The following SYT1 variants were observed in gnomAD, a reference collection of about 807,000 sequenced individuals.
SYT1 encodes the protein synaptotagmin 1.
Under a neutral mutation model 44.8 loss-of-function variants are expected in SYT1, and 8 were observed. The ratio of observed to expected loss-of-function variants is 0.18; its 90% CI spans 0.10 to 0.32. SYT1 has a LOEUF of 0.32. SYT1 is among the 10% of genes least tolerant of loss of function. The probability of loss-of-function intolerance (pLI) is 1.00; values close to 1 mark genes in which losing one functional copy is unlikely to be tolerated. For synonymous variants in SYT1, 154 were observed against 188.8 expected, an observed-to-expected ratio of 0.82 and a Z score of 1.51; for missense variants, 286 against 509.3, an observed-to-expected ratio of 0.56 and a Z score of 4.22.
At chr12:79,020,063 C>G (rs577309092) in intron 2 of SYT1, among the ~76,000 whole-genome samples, 60 of 152,034 alleles carry the variant, frequency 3.9e-4, no homozygotes, top group African/African-American at 1.4e-3. Context: ...TCAAATCCAA[C>G]ATAAATTATT....
chr12:78,919,276 G>T (rs1395079912), intron 1 of SYT1, among the ~76,000 whole-genome samples: 1 of 151,988 alleles, frequency 6.6e-6, no homozygotes, highest in Non-Finnish European at 1.5e-5. Context: ...GCAAAATAAT[G>T]ATGGGTTAGA....
chr12:79,446,074 T>G (rs1450063902), intron 10 of SYT1, among the ~76,000 whole-genome samples: 1 of 135,342 alleles, frequency 7.4e-6, no homozygotes, highest in Non-Finnish European at 1.6e-5. Context: ...GTATGTAATC[T>G]CATTTCATAC....
In SYT1 at chr12:78,903,128, G is replaced by A. The variant is rs541345518; in HGVS notation, c.-217+38019G>A. 3.5e-4 allele frequency among the ~76,000 whole-genome samples: 53 copies of A among 151,724 alleles called. 1 individual carries two copies. Among genetic ancestry groups the A allele is most frequent in the African/African-American group, 1.3e-3 (52 of 41,364 alleles). ...GAAAGTAGTATGGCAGTTCATAGAA[G>A]TAAAATAAAAAATCGTCAAATCTGA... On this transcript the variant is annotated intron_variant, in intron 1 of 10. Coordinates refer to ENST00000261205, the MANE Select transcript of SYT1 (RefSeq NM_005639.3).
At chr12:79,232,282 C>T (rs1875914831) in intron 4 of SYT1, among the ~76,000 whole-genome samples, 1 of 152,130 alleles carries the variant, frequency 6.6e-6, no homozygotes, top group African/African-American at 2.4e-5. Context: ...TTTTCTGGAC[C>T]TCAACAGCAT....
chr12:78,876,000 T>G (rs1289568033), intron 1 of SYT1, among the ~76,000 whole-genome samples: 1 of 151,854 alleles, frequency 6.6e-6, no homozygotes, highest in Non-Finnish European at 1.5e-5. Context: ...ATTGTTCCTA[T>G]AAATTTAAGT....
intron 3 of SYT1, among the ~76,000 whole-genome samples, chr12:79,190,225 G>C (rs1316190765): frequency 6.6e-6 from 1 of 152,062 alleles, no homozygotes; most frequent in African/African-American, 2.4e-5. Flanking sequence ...TATTTTTCAA[G>C]CATGCAAATC....
intron 8 of SYT1, among the ~76,000 whole-genome samples, chr12:79,317,287 G>C (rs1281354688): frequency 2.6e-5 from 4 of 152,130 alleles, no homozygotes; most frequent in Admixed American, 2.6e-4. Context: ...TTCGAAAGCT[G>C]ATGGAATAAT....
At position 79,088,282 on chromosome 12, in the gene SYT1, G is replaced by A. The variant is rs181469123; in HGVS notation, c.-18+40920G>A. Among the ~76,000 whole-genome samples, 59 of 152,070 alleles carry A rather than the reference G, an allele frequency of 3.9e-4. 2 individuals carry two copies. The highest frequency in any genetic ancestry group is 1.9e-4 in the East Asian group (1 of 5,170). On this transcript the variant is annotated intron_variant, in intron 3 of 10. Coordinates refer to ENST00000261205, the MANE Select transcript of SYT1 (RefSeq NM_005639.3). ...TCTAGATAACAAGAAGTTGGTTTAG[G>A]GGTGAAGGGAATCTTCCTTACCCCC...
intron 3 of SYT1, among the ~76,000 whole-genome samples, chr12:79,143,220 C>A (rs1261530409): frequency 6.6e-6 from 1 of 152,154 alleles, no homozygotes; most frequent in African/African-American, 2.4e-5. Flanking sequence ...TAGTAAGCAT[C>A]ATTTATACAC....
intron 4 of SYT1, among the ~76,000 whole-genome samples, chr12:79,245,687 A>T (rs991629718): frequency 6.6e-6 from 1 of 152,076 alleles, no homozygotes; most frequent in Admixed American, 6.6e-5. Context: ...ACTCAGGGGA[A>T]ATCCCTTAAA....
At chr12:79,251,915 T>G (rs895266102) in intron 4 of SYT1, among the ~76,000 whole-genome samples, 7 of 78,686 alleles carry the variant, frequency 8.9e-5, no homozygotes, top group African/African-American at 1.5e-4. Context: ...TAATGGAGTT[T>G]TATTTTTTTT....
chr12:79,063,574 G>T lies in SYT1; in HGVS notation c.-18+16212G>T, dbSNP rs180887215. Among the ~76,000 whole-genome samples the T allele has an allele frequency of 2.0e-5, 3 of 152,178 alleles. No homozygotes were observed. The East Asian group carries it at 5.8e-4, about 29-fold the overall frequency. ...GTTCATTTACACATAAGTGGAGGAGGGGGAAGGAGAACCTTATAGAATTAC... is the reference window on the plus strand; with the variant it reads ...GTTCATTTACACATAAGTGGAGGAGTGGGAAGGAGAACCTTATAGAATTAC... On this transcript the variant is annotated intron_variant, in intron 3 of 10. Transcript: ENST00000261205.
chr12:78,942,383 G>A (rs190231232), intron 1 of SYT1, among the ~76,000 whole-genome samples: 3 of 152,168 alleles, frequency 2.0e-5, no homozygotes, highest in Admixed American at 2.0e-4. Flanking sequence ...CTAATCCAAC[G>A]ATTCTCCAAA....
At chr12:79,257,842 T>C (rs1457013615) in intron 4 of SYT1, among the ~76,000 whole-genome samples, 1 of 152,164 alleles carries the variant, frequency 6.6e-6, no homozygotes, top group African/African-American at 2.4e-5. Flanking sequence ...AAATGGATGT[T>C]TGTGTCCACA....
intron 3 of SYT1, among the ~76,000 whole-genome samples, chr12:79,175,365 C>T (rs1211268002): frequency 2.0e-5 from 3 of 151,980 alleles, no homozygotes; most frequent in Non-Finnish European, 4.4e-5. Flanking sequence ...TGACTTCACT[C>T]GTATTTAGTC....
chr12:79,291,400 A>G (rs983217343), intron 5 of SYT1, among the ~76,000 whole-genome samples: 13 of 152,220 alleles, frequency 8.5e-5, no homozygotes, highest in Admixed American at 5.2e-4. Context: ...GTAAACTGAA[A>G]TTGGAAGTGG....
At chr12:78,934,618 C>CA (rs1408459456) in intron 1 of SYT1, among the ~76,000 whole-genome samples, 1 of 152,056 alleles carries the variant, frequency 6.6e-6, no homozygotes, top group Non-Finnish European at 1.5e-5. Flanking sequence ...AAACACCTGT[C>CA]ACGCAGTCAA....
intron 2 of SYT1, among the ~76,000 whole-genome samples, chr12:79,013,899 G>A (rs542300376): frequency 1.6e-4 from 25 of 152,050 alleles, no homozygotes; most frequent in Middle Eastern, 3.4e-3. Flanking sequence ...AGGCCAAGGC[G>A]GGCAGATAAT....
intron 2 of SYT1, among the ~76,000 whole-genome samples, chr12:79,001,602 A>G (rs1180732923): frequency 6.6e-6 from 1 of 152,144 alleles, no homozygotes; most frequent in Non-Finnish European, 1.5e-5. Flanking sequence ...GCACACCACC[A>G]TTATCTGACT....
Sources: gnomAD v4.1 joint callset for allele counts (sites outside exome capture counted in the v4.1 genomes callset) on GRCh38, gnomAD v4.1.1 for gene constraint, MANE v1.5 for transcripts, NCBI Gene and HGNC (gene_info 2026-07-23, HGNC 2026-07-21) for gene names.